The following MGAT4C variants were observed in gnomAD, a reference collection of about 807,000 sequenced individuals.
MGAT4C encodes the protein MGAT4 family member C.
MGAT4C carries 19 observed loss-of-function variants against 40.1 expected under a neutral mutation model. That is an observed-to-expected ratio of 0.47 (90% CI 0.33 to 0.70). The LOEUF (loss-of-function observed/expected upper bound fraction) is 0.70. Ranked by LOEUF, MGAT4C falls within the 30% of genes least tolerant of loss-of-function variation. The pLI is 0.02. For synonymous variants in MGAT4C, 181 were observed against 187.1 expected, an observed-to-expected ratio of 0.97 and a Z score of 0.27; for missense variants, 491 against 563.2, an observed-to-expected ratio of 0.87 and a Z score of 1.30.
intron 2 of MGAT4C, among the ~76,000 whole-genome samples, chr12:86,546,797 T>C (rs911882365): frequency 2.0e-5 from 3 of 152,012 alleles, no homozygotes; most frequent in Admixed American, 1.3e-4. Context: ...AAATAATGTG[T>C]GGGGATAGTC....
chr12:86,502,841 CAT>C (rs1167419122), intron 2 of MGAT4C, among the ~76,000 whole-genome samples: 2 of 85,578 alleles, frequency 2.3e-5, no homozygotes, highest in Non-Finnish European at 4.5e-5. Flanking sequence ...GAGTTCTGCT[CAT>C]ATATATATAT....
At chr12:86,514,086 A>G (rs1431261938) in intron 2 of MGAT4C, among the ~76,000 whole-genome samples, 1 of 151,214 alleles carries the variant, frequency 6.6e-6, no homozygotes, top group Non-Finnish European at 1.5e-5. Context: ...ACACACACAC[A>G]CACACACACA....
rs12304220 is a variant in MGAT4C at position 86,062,637 on chromosome 12, G to A, written c.-56-12914C>T. ...AGGAAGCTAAGAAACTTGAAAAAAG[G>A]TTAGATGAATTGCTAACTAGAATAA... is the stretch of plus-strand genomic sequence containing the variant. On this transcript the variant is annotated intron_variant, in intron 1 of 4. Transcript: ENST00000611864. Among the ~76,000 whole-genome samples the A allele has an allele frequency of 8.5e-3, 1,287 of 152,034 alleles. 23 individuals carry two copies. Among genetic ancestry groups the A allele is most frequent in the African/African-American group, 0.029 (1,214 of 41,472 alleles).
intron 1 of MGAT4C, among the ~76,000 whole-genome samples, chr12:86,194,278 T>TA (rs138374030): frequency 5.3e-5 from 8 of 152,212 alleles, no homozygotes; most frequent in Non-Finnish European, 8.8e-5. Flanking sequence ...TGTTTTTTTT[T>TA]ATCACTGGGT....
chr12:86,636,550 G>A (rs1963224486), intron 2 of MGAT4C, among the ~76,000 whole-genome samples: 1 of 151,916 alleles, frequency 6.6e-6, no homozygotes, highest in Non-Finnish European at 1.5e-5. Context: ...AGAAACCAGA[G>A]CTTGCTTTTT....
chr12:86,496,993 C>T (rs1958247801), intron 2 of MGAT4C, among the ~76,000 whole-genome samples: 1 of 151,876 alleles, frequency 6.6e-6, no homozygotes, highest in African/African-American at 2.4e-5. Flanking sequence ...ACTTTATCAC[C>T]TCTATTTACA....
At chr12:86,327,855 A>G (rs531161752) in intron 4 of MGAT4C, among the ~76,000 whole-genome samples, 1 of 152,254 alleles carries the variant, frequency 6.6e-6, no homozygotes, top group East Asian at 1.9e-4. Flanking sequence ...GAGGAATTCC[A>G]TAGCATGGGA....
intron 1 of MGAT4C, among the ~76,000 whole-genome samples, chr12:86,213,641 G>A (rs1950566206): frequency 6.6e-6 from 1 of 151,956 alleles, no homozygotes; most frequent in African/African-American, 2.4e-5. Flanking sequence ...ATATCAATCT[G>A]AAAATGCATC....
intron 1 of MGAT4C, among the ~76,000 whole-genome samples, chr12:86,798,622 T>C (rs1952172560): frequency 6.6e-6 from 1 of 151,968 alleles, no homozygotes. Context: ...TATACAATTT[T>C]GCAGGTGCTC....
At chr12:86,100,627 T>C (rs1874821926) in intron 1 of MGAT4C, among the ~76,000 whole-genome samples, 1 of 151,494 alleles carries the variant, frequency 6.6e-6, no homozygotes, top group Non-Finnish European at 1.5e-5. Flanking sequence ...CACTATTCAT[T>C]GTGTAGAGTG....
intron 3 of MGAT4C, among the ~76,000 whole-genome samples, chr12:86,407,520 G>A (rs1592803968): frequency 6.6e-6 from 1 of 152,136 alleles, no homozygotes; most frequent in East Asian, 1.9e-4. Context: ...GAAAGTTTGG[G>A]TGAAGTTCTT....
chr12:86,511,155 T>G (rs1958575046), intron 2 of MGAT4C, among the ~76,000 whole-genome samples: 1 of 151,998 alleles, frequency 6.6e-6, no homozygotes, highest in South Asian at 2.1e-4. Context: ...CAGACCACAG[T>G]GCAATCAAAC....
intron 1 of MGAT4C, among the ~76,000 whole-genome samples, chr12:86,828,741 C>A (rs1315434763): frequency 6.6e-6 from 1 of 151,276 alleles, no homozygotes; most frequent in East Asian, 1.9e-4. Context: ...TTATGCTAAG[C>A]AAAAGAAGCA....
chr12:86,385,301 C>A (rs930720162), intron 3 of MGAT4C, among the ~76,000 whole-genome samples: 1 of 152,086 alleles, frequency 6.6e-6, no homozygotes, highest in Non-Finnish European at 1.5e-5. Context: ...GGGCCTTTTT[C>A]ATACTAGAAT....
chr12:86,288,493 A>C (rs1286245907), intron 4 of MGAT4C, among the ~76,000 whole-genome samples: 1 of 152,048 alleles, frequency 6.6e-6, no homozygotes, highest in Admixed American at 6.5e-5. Context: ...CTTACATTTA[A>C]GTTTTAATCC....
chr12:86,156,344 C>A (rs941649998), intron 1 of MGAT4C, among the ~76,000 whole-genome samples: 2 of 152,010 alleles, frequency 1.3e-5, no homozygotes, highest in African/African-American at 4.8e-5. Flanking sequence ...TTCTTTGAGG[C>A]GGAGTTCTGC....
rs997896519 is a variant in MGAT4C at position 86,462,420 on chromosome 12, T to C, written c.-228-27155A>G. On this transcript the variant is annotated intron_variant, in intron 2 of 7. Coordinates refer to the MGAT4C transcript ENST00000548651. ...TAAGAATATCATCAGATGGAGGAGA[T>C]GGAGACATTACAAAACATTGACAAC... Among the ~76,000 whole-genome samples, 12 of 152,292 alleles carry C rather than the reference T, an allele frequency of 7.9e-5. No individual in the cohort carries two copies. In the Middle Eastern group the frequency reaches 0.01, roughly 130 times the overall value.
At chr12:86,399,022 G>A (rs1956308168) in intron 3 of MGAT4C, among the ~76,000 whole-genome samples, 1 of 152,132 alleles carries the variant, frequency 6.6e-6, no homozygotes, top group South Asian at 2.1e-4. Flanking sequence ...CCAGGCTGAA[G>A]TGCAGTGGCG....
intron 1 of MGAT4C, among the ~76,000 whole-genome samples, chr12:86,131,080 G>A (rs1355588748): frequency 1.3e-5 from 2 of 151,966 alleles, no homozygotes; most frequent in Non-Finnish European, 2.9e-5. Flanking sequence ...AGACCTTAAC[G>A]TTGAAAAGCA....
Sources: allele counts gnomAD v4.1 joint callset (sites outside exome capture counted in the v4.1 genomes callset), GRCh38; gene constraint gnomAD v4.1.1; transcripts MANE v1.5; gene names NCBI Gene and HGNC (gene_info 2026-07-23, HGNC 2026-07-21).